NUP160: variants seen among roughly 807,000 people sequenced by gnomAD.
NUP160 encodes the protein nuclear pore complex protein Nup160.
Under a neutral mutation model 196.9 loss-of-function variants are expected in NUP160, and 94 were observed. The observed-to-expected ratio is 0.48, with a 90% CI of 0.40 to 0.57. The LOEUF is 0.57. NUP160 is among the 20% of genes least tolerant of loss of function. The probability of loss-of-function intolerance (pLI) is 0.00; values close to 1 mark genes in which losing one functional copy is unlikely to be tolerated. For synonymous variants in NUP160, 605 were observed against 619.7 expected (o/e 0.98, Z 0.35); for missense variants, 1,638 against 1,748.3 (o/e 0.94, Z 1.13).
intron 29 of NUP160, among the ~76,000 whole-genome samples, chr11:47,790,574 TAAAAG>T: frequency 6.6e-6 from 1 of 152,170 alleles, no homozygotes; most frequent in East Asian, 1.9e-4. Flanking sequence ...ACTGTACTCT[TAAAAG>T]AAAATGTTAT....
chr11:47,780,778 G>C (rs182107577), intron 34 of NUP160, among the ~76,000 whole-genome samples: 20 of 151,982 alleles, frequency 1.3e-4, no homozygotes, highest in Admixed American at 1.0e-3. Context: ...CTGGCCTCAA[G>C]TGATCCACCT....
At chr11:47,800,290 C>G (rs6485782) in intron 23 of NUP160, among the ~76,000 whole-genome samples, 5,699 of 150,486 alleles carry the variant, frequency 0.038, 369 homozygotes, top group African/African-American at 0.13. Context: ...TTATATAAAG[C>G]ACATAATACT....
At chr11:47,818,661 C>T (rs1851790141) in intron 10 of NUP160, among the ~76,000 whole-genome samples, 1 of 152,116 alleles carries the variant, frequency 6.6e-6, no homozygotes, top group East Asian at 1.9e-4. Context: ...CTCTCCTAAA[C>T]CAGATTTGCC....
At chr11:47,806,852 C>CACACACATATATAT (rs1428564239) in intron 19 of NUP160, among the ~76,000 whole-genome samples, 1 of 124,252 alleles carries the variant, frequency 8.0e-6, no homozygotes, top group African/African-American at 3.2e-5. Context: ...CACACACACA[C>CACACACATATATAT]ATATATATAC....
chr11:47,814,538 CAAAAAAA>C (rs1164398938), intron 13 of NUP160, among the ~76,000 whole-genome samples: 1 of 91,326 alleles, frequency 1.1e-5, no homozygotes, highest in East Asian at 2.5e-4. Flanking sequence ...AAGACTGTCT[CAAAAAAA>C]AAAAAAAGAT....
chr11:47,839,729 G>T (rs1270786196), intron 4 of NUP160, 114 bp downstream of exon 4: 1 of 851,254 alleles, frequency 1.2e-6, no homozygotes, highest in South Asian at 1.5e-5. Flanking sequence ...AATAATGAAT[G>T]ACCAGTTCCG....
chr11:47,845,720 TAA>T (rs1418032273), intron 2 of NUP160, among the ~76,000 whole-genome samples: 1 of 152,218 alleles, frequency 6.6e-6, no homozygotes, highest in Non-Finnish European at 1.5e-5. Context: ...CCTGTTTTCT[TAA>T]AAGAGATGGG....
At chr11:47,839,344 G>A (rs1399213321) in intron 4 of NUP160, among the ~76,000 whole-genome samples, 1 of 152,126 alleles carries the variant, frequency 6.6e-6, no homozygotes, top group Non-Finnish European at 1.5e-5. Context: ...ACCTGCCTTG[G>A]CCTCCCACAG....
At chr11:47,781,245 T>A (rs911308473) in intron 34 of NUP160, among the ~76,000 whole-genome samples, 3 of 151,592 alleles carry the variant, frequency 2.0e-5, no homozygotes, top group South Asian at 2.1e-4. Flanking sequence ...AAAATAAAAA[T>A]AAAAAATAAT....
intron 31 of NUP160, chr11:47,787,041 G>GTCTC (rs2097664909): frequency 6.7e-6 from 1 of 149,104 alleles, no homozygotes; most frequent in Non-Finnish European, 1.5e-5. Flanking sequence ...GCCCGCCTAG[G>GTCTC]TCTCCCAAAG....
rs1271716684 is a variant in NUP160, at chr11:47,801,803, T to C, written c.2895+8A>G. 6.2e-7 allele frequency: 1 copy of C among 1,613,492 alleles called. No individual in the cohort carries two copies. The highest frequency in any genetic ancestry group is 8.5e-7 in the Non-Finnish European group (1 of 1,179,702). On this transcript the variant is annotated splice_region_variant and intron_variant, in intron 23 of 35. Transcript: ENST00000378460. ...GGTGGTATAAGGCCAAACCAAGACATGATGTACCTTGTCATAATACTGCAG... is the reference window on the plus strand; with the variant it reads ...GGTGGTATAAGGCCAAACCAAGACACGATGTACCTTGTCATAATACTGCAG...
chr11:47,799,383 G>A (rs1325938553), intron 23 of NUP160, among the ~76,000 whole-genome samples: 2 of 150,940 alleles, frequency 1.3e-5, no homozygotes, highest in Admixed American at 1.3e-4. Flanking sequence ...ACTGTGCCCG[G>A]CCTGACAAAC....
intron 34 of NUP160, among the ~76,000 whole-genome samples, chr11:47,781,695 A>T (rs2097660937): frequency 1.3e-5 from 2 of 152,300 alleles, no homozygotes; most frequent in Middle Eastern, 6.8e-3. Flanking sequence ...TAGAAAATTA[A>T]AACATTCCTT....
chr11:47,815,704 T>C, intron 12 of NUP160, 55 bp from the exon 13 acceptor site: 3 of 1,441,840 alleles, frequency 2.1e-6, no homozygotes, highest in South Asian at 1.4e-5. Context: ...AGGATCTTTG[T>C]CCACAAAAAA....
At chr11:47,837,800 T>C (rs762914065) in intron 4 of NUP160, among the ~76,000 whole-genome samples, 177 bp from the exon 5 acceptor site, 1 of 152,270 alleles carries the variant, frequency 6.6e-6, no homozygotes, top group Non-Finnish European at 1.5e-5. Context: ...TGAATCATTA[T>C]TAGATCCATA....
intron 7 of NUP160, among the ~76,000 whole-genome samples, chr11:47,832,957 A>G (rs909094877): frequency 3.9e-5 from 6 of 152,242 alleles, no homozygotes; most frequent in African/African-American, 1.4e-4. Context: ...GAGACAGAAA[A>G]TAGATTAGCA....
chr11:47,779,684 G>A, intron 35 of NUP160: 1 of 460,408 alleles, frequency 2.2e-6, no homozygotes, highest in South Asian at 1.6e-5. Flanking sequence ...TGTTATATAT[G>A]CCAACTTCCC....
At chr11:47,826,533 C>T (rs1851970838) in intron 7 of NUP160, among the ~76,000 whole-genome samples, 1 of 150,652 alleles carries the variant, frequency 6.6e-6, no homozygotes, top group South Asian at 2.1e-4. Flanking sequence ...TCCCTGAGAC[C>T]ATTTCAGGGG....
chr11:47,787,514 C>T (rs2097665332), intron 31 of NUP160, among the ~76,000 whole-genome samples: 1 of 150,276 alleles, frequency 6.7e-6, no homozygotes, highest in Non-Finnish European at 1.5e-5. Flanking sequence ...ACTGCAACCT[C>T]TGCCTCCCAA....
Sources: gnomAD v4.1 joint callset for allele counts (sites outside exome capture counted in the v4.1 genomes callset) on GRCh38, gnomAD v4.1.1 for gene constraint, MANE v1.5 for transcripts, NCBI Gene and HGNC (gene_info 2026-07-23, HGNC 2026-07-21) for gene names.